ARHGAP24: variants seen among roughly 807,000 people sequenced by gnomAD.
The protein encoded by ARHGAP24 is Rho GTPase activating protein 24, also known as rho GTPase-activating protein 24.
In ARHGAP24, 50 loss-of-function variants were observed where a neutral mutation model predicts 76.4. The ratio of observed to expected loss-of-function variants is 0.65; its 90% CI spans 0.52 to 0.83. The LOEUF is 0.83. ARHGAP24 is among the 40% of genes least tolerant of loss of function. The pLI is 0.00. For synonymous variants in ARHGAP24, 345 were observed against 323.3 expected, an observed-to-expected ratio of 1.07 and a Z score of -0.72; for missense variants, 930 against 914.2, an observed-to-expected ratio of 1.02 and a Z score of -0.22.
chr4:85,828,868 G>A (rs345362), intron 3 of ARHGAP24, among the ~76,000 whole-genome samples: 151,906 of 152,218 alleles, frequency 1, 75,799 homozygotes, highest in Middle Eastern at 1. Flanking sequence ...TAGGAGGTTT[G>A]TATTTCTGAG....
At chr4:85,819,636 T>C (rs1729383445) in intron 3 of ARHGAP24, among the ~76,000 whole-genome samples, 2 of 152,200 alleles carry the variant, frequency 1.3e-5, no homozygotes, top group African/African-American at 4.8e-5. Flanking sequence ...AAAAATAGAC[T>C]GGCCAGGTGC....
At chr4:85,999,664 T>A (rs977995486) in intron 9 of ARHGAP24, among the ~76,000 whole-genome samples, 6 of 152,180 alleles carry the variant, frequency 3.9e-5, no homozygotes, top group African/African-American at 1.2e-4. Context: ...TTAATACCCC[T>A]CTTTTGAATA....
chr4:85,543,729 T>C (rs1396396809), intron 1 of ARHGAP24, among the ~76,000 whole-genome samples: 1 of 152,228 alleles, frequency 6.6e-6, no homozygotes, highest in Non-Finnish European at 1.5e-5. Flanking sequence ...ATTTGATTGA[T>C]CTGAATGTTA....
chr4:85,700,015 T>C (rs1204957256), intron 2 of ARHGAP24, among the ~76,000 whole-genome samples: 1 of 152,206 alleles, frequency 6.6e-6, no homozygotes, highest in African/African-American at 2.4e-5. Flanking sequence ...TGGATTGAGA[T>C]TTTAAACCTC....
chr4:85,902,174 C>T (rs190603159), intron 3 of ARHGAP24, among the ~76,000 whole-genome samples: 53 of 149,774 alleles, frequency 3.5e-4, no homozygotes, highest in Non-Finnish European at 5.8e-4. Context: ...TTTATGGCTG[C>T]GTATCTGTCA....
chr4:85,747,988 C>T (rs1157194840), intron 3 of ARHGAP24, among the ~76,000 whole-genome samples: 1 of 152,184 alleles, frequency 6.6e-6, no homozygotes, highest in Non-Finnish European at 1.5e-5. Context: ...AACCTAGCAG[C>T]TTATATCTGT....
intron 3 of ARHGAP24, among the ~76,000 whole-genome samples, chr4:85,880,942 G>A (rs552023369): frequency 6.6e-6 from 1 of 152,176 alleles, no homozygotes; most frequent in South Asian, 2.1e-4. Flanking sequence ...AGCAACCTCC[G>A]CACACCTTTT....
intron 3 of ARHGAP24, among the ~76,000 whole-genome samples, chr4:85,912,484 T>C (rs1042451638): frequency 2.6e-5 from 4 of 152,244 alleles, no homozygotes; most frequent in African/African-American, 9.6e-5. Flanking sequence ...ATTAGAGTTT[T>C]TCTTATTTTT....
intron 2 of ARHGAP24, among the ~76,000 whole-genome samples, chr4:85,630,432 G>A (rs1721122479): frequency 6.6e-6 from 1 of 152,174 alleles, no homozygotes; most frequent in Admixed American, 6.5e-5. Flanking sequence ...CCTTGTGGCT[G>A]TTCATTGGTG....
At chr4:85,524,654 G>A (rs1724912657) in intron 1 of ARHGAP24, among the ~76,000 whole-genome samples, 1 of 152,128 alleles carries the variant, frequency 6.6e-6, no homozygotes, top group African/African-American at 2.4e-5. Flanking sequence ...ATATGGCTTA[G>A]TCCAAAGCCT....
chr4:85,767,878 T>A (rs1184092869), intron 3 of ARHGAP24, among the ~76,000 whole-genome samples: 8 of 152,200 alleles, frequency 5.3e-5, no homozygotes, highest in Admixed American at 2.0e-4. Context: ...TGTTTGTATA[T>A]ATAATGCTAC....
intron 1 of ARHGAP24, among the ~76,000 whole-genome samples, chr4:85,567,803 TAA>T (rs1726906276): frequency 6.6e-6 from 1 of 152,240 alleles, no homozygotes; most frequent in Non-Finnish European, 1.5e-5. Context: ...CCAGAAATAT[TAA>T]GACTTCTCTA....
At chr4:85,510,457 C>G (rs1471826014) in intron 1 of ARHGAP24, among the ~76,000 whole-genome samples, 1 of 151,920 alleles carries the variant, frequency 6.6e-6, no homozygotes, top group African/African-American at 2.4e-5. Context: ...TTCTTTTTCT[C>G]CCTCTCTCTA....
At chr4:85,997,699 G>C (rs548071527) in intron 9 of ARHGAP24, among the ~76,000 whole-genome samples, 5 of 151,260 alleles carry the variant, frequency 3.3e-5, no homozygotes, top group Non-Finnish European at 5.9e-5. Flanking sequence ...TGTTGCCCAC[G>C]CTGGAGAGTG....
At chr4:85,510,827 C>CCT (rs1269762469) in intron 1 of ARHGAP24, among the ~76,000 whole-genome samples, 2 of 3,822 alleles carry the variant, frequency 5.2e-4, no homozygotes, top group Non-Finnish European at 0.014. Flanking sequence ...TCCTCCTTCT[C>CCT]TCTCGCTCTC....
chr4:85,545,783 T>C (rs1725900471), intron 1 of ARHGAP24, among the ~76,000 whole-genome samples: 1 of 152,210 alleles, frequency 6.6e-6, no homozygotes, highest in Non-Finnish European at 1.5e-5. Context: ...AACATGTATA[T>C]GATATGTATT....
At chr4:85,514,344 T>A (rs1724402657) in intron 1 of ARHGAP24, among the ~76,000 whole-genome samples, 1 of 152,198 alleles carries the variant, frequency 6.6e-6, no homozygotes, top group African/African-American at 2.4e-5. Context: ...GATCCTTGAA[T>A]CATTTCTGCC....
chr4:85,764,635 T>G (rs973821480), intron 3 of ARHGAP24, among the ~76,000 whole-genome samples: 4 of 150,908 alleles, frequency 2.7e-5, no homozygotes, highest in Non-Finnish European at 5.9e-5. Context: ...AGAGTAATTG[T>G]TTTTTTTTAC....
chr4:85,936,679 G>C (rs982989245), intron 4 of ARHGAP24, among the ~76,000 whole-genome samples: 1 of 152,142 alleles, frequency 6.6e-6, no homozygotes. Flanking sequence ...CATGCAAAAT[G>C]TTAAGGAATA....
Sources: allele counts gnomAD v4.1 joint callset (sites outside exome capture counted in the v4.1 genomes callset), GRCh38; gene constraint gnomAD v4.1.1; transcripts MANE v1.5; gene names NCBI Gene and HGNC (gene_info 2026-07-23, HGNC 2026-07-21).